The following LRCH1 variants were observed in gnomAD, a reference collection of about 807,000 sequenced individuals.
LRCH1 encodes the protein leucine rich repeats and calponin homology domain containing 1, also known as leucine-rich repeat and calponin homology domain-containing protein 1.
LRCH1 carries 23 observed loss-of-function variants against 94.9 expected under a neutral mutation model. The ratio of observed to expected loss-of-function variants is 0.24; its 90% confidence interval spans 0.17 to 0.34. The LOEUF (loss-of-function observed/expected upper bound fraction) is 0.34. Ranked by LOEUF, LRCH1 falls within the 10% of genes least tolerant of loss-of-function variation. LRCH1 has a pLI of 1.00. For missense variants in LRCH1, 790 were observed against 945.9 expected (o/e 0.84, Z 2.16); for synonymous variants, 364 against 354.9 (o/e 1.03, Z -0.29).
intron 1 of LRCH1, among the ~76,000 whole-genome samples, chr13:46,573,851 TA>T (rs2050268429): frequency 2.8e-5 from 2 of 72,718 alleles, no homozygotes; most frequent in Non-Finnish European, 4.8e-5. Flanking sequence ...GTCAAATATA[TA>T]TATATATATA....
chr13:46,742,403 C>A lies in LRCH1; in HGVS notation c.*555C>A, dbSNP rs566519593. 4 of 988,480 alleles carry A rather than the reference C, an allele frequency of 4.0e-6. No homozygotes were observed. Among genetic ancestry groups the A allele is most frequent in the Non-Finnish European group, 4.8e-6 (4 of 831,864 alleles). 61.2% of individuals were successfully genotyped at this position (988,480 alleles called of 1,614,324 possible). A position where few individuals can be genotyped will look rare whatever the true frequency, so the allele number is the denominator to read the frequency against. On this transcript the variant is annotated 3_prime_UTR_variant, in exon 20 of 20. Coordinates refer to ENST00000389797, the MANE Select transcript of LRCH1 (RefSeq NM_001164211.2). ...CAAGTTGGACGTGTACACGTACTCA[C>A]ACTGCCTTGATGGCCATTCGATTGG...
chr13:46,634,198 C>T (rs760324398), intron 1 of LRCH1, among the ~76,000 whole-genome samples: 3 of 152,142 alleles, frequency 2.0e-5, no homozygotes, highest in Non-Finnish European at 2.9e-5. Context: ...TTCTTTTGAG[C>T]ATCTAGCACG....
At position 46,651,787 on chromosome 13, in the gene LRCH1, G is replaced by A. The variant is rs569459353; in HGVS notation, c.452+1442G>A. 2.3e-3 allele frequency among the ~76,000 whole-genome samples: 331 copies of A among 144,168 alleles called. 4 individuals are homozygous for A. Among genetic ancestry groups the A allele is most frequent in the African/African-American group, 8.0e-3 (311 of 39,090 alleles). The allele number at this position is 144,168 out of a possible 152,430, so 94.6% of individuals were successfully genotyped here. On this transcript the variant is annotated intron_variant, in intron 2 of 19. Transcript: ENST00000389797. ...GCCATCTCAGCTCACTGCAAGCTCC[G>A]CCTCCCGGGTTCACACCATTCTCCT...
chr13:46,556,059 T>C (rs1214413958), intron 1 of LRCH1, among the ~76,000 whole-genome samples: 5 of 152,246 alleles, frequency 3.3e-5, no homozygotes, highest in African/African-American at 1.2e-4. Flanking sequence ...TGACTCATAT[T>C]TACTTTAAGA....
At chr13:46,727,957 A>G (rs539684393) in intron 17 of LRCH1, among the ~76,000 whole-genome samples, 126 of 151,142 alleles carry the variant, frequency 8.3e-4, no homozygotes, top group African/African-American at 2.9e-3. Flanking sequence ...CACTCTGTCA[A>G]CCAGGTTGGA....
At chr13:46,623,519 G>A (rs2050905042) in intron 1 of LRCH1, among the ~76,000 whole-genome samples, 1 of 151,878 alleles carries the variant, frequency 6.6e-6, no homozygotes, top group African/African-American at 2.4e-5. Flanking sequence ...ACTCATCCTT[G>A]GAGGGTCGCT....
chr13:46,742,628 G>C lies in LRCH1; in HGVS notation c.*780G>C. On this transcript the variant is annotated 3_prime_UTR_variant, in exon 20 of 20. Coordinates refer to ENST00000389797, the MANE Select transcript of LRCH1 (RefSeq NM_001164211.2). ...TTAATTCCTTGTTAGGTCTTCTCTTGAGGCTCTTAGAAAAGCGTTTTCCAG... is the reference window on the plus strand; with the variant it reads ...TTAATTCCTTGTTAGGTCTTCTCTTCAGGCTCTTAGAAAAGCGTTTTCCAG... 3 of 985,422 alleles carry C rather than the reference G, an allele frequency of 3.0e-6. No individual in the cohort carries two copies. The highest frequency in any genetic ancestry group is 3.6e-6 in the Non-Finnish European group (3 of 829,938). 61.0% of individuals were successfully genotyped at this position (985,422 alleles called of 1,614,324 possible).
At chr13:46,667,490 C>G (rs141018227) in intron 2 of LRCH1, among the ~76,000 whole-genome samples, 3,200 of 130,524 alleles carry the variant, frequency 0.025, 136 homozygotes, top group African/African-American at 0.089. Flanking sequence ...AACACTTGGA[C>G]ACAGGAAGGG....
At chr13:46,614,771 T>C (rs899970644) in intron 1 of LRCH1, among the ~76,000 whole-genome samples, 1 of 152,172 alleles carries the variant, frequency 6.6e-6, no homozygotes, top group Non-Finnish European at 1.5e-5. Flanking sequence ...ACATTCGAGA[T>C]GAATAATGAC....
At chr13:46,719,967 C>T (rs1039084779) in intron 16 of LRCH1, among the ~76,000 whole-genome samples, 1 of 152,198 alleles carries the variant, frequency 6.6e-6, no homozygotes, top group African/African-American at 2.4e-5. Context: ...CACTGCACTC[C>T]AGCCTGGGCG....
rs1351713550 is a variant in LRCH1, at chr13:46,742,344, A to G, written c.*496A>G. On this transcript the variant is annotated 3_prime_UTR_variant, in exon 20 of 20. Transcript: ENST00000389797. ...AAAACTAACATTTTGGCCCAACTTG[A>G]TCTATACAAAACTTTAATAATACCA... is the stretch of plus-strand genomic sequence containing the variant. The G allele has an allele frequency of 1.0e-6, 1 of 1,001,716 alleles. No homozygotes were observed. Among genetic ancestry groups the G allele is most frequent in the African/African-American group, 1.7e-5 (1 of 57,530 alleles). 62.1% of individuals were successfully genotyped at this position (1,001,716 alleles called of 1,614,324 possible).
intron 1 of LRCH1, among the ~76,000 whole-genome samples, chr13:46,649,754 G>A (rs2138077493): frequency 6.6e-6 from 1 of 152,014 alleles, no homozygotes; most frequent in African/African-American, 2.4e-5. Context: ...ACCTGAGCCT[G>A]GGAGGTTGAG....
chr13:46,560,723 AG>A, intron 1 of LRCH1, among the ~76,000 whole-genome samples: 1 of 152,330 alleles, frequency 6.6e-6, no homozygotes, highest in East Asian at 1.9e-4. Flanking sequence ...GAGTAAGAAA[AG>A]AAAAAAAGAA....
intron 16 of LRCH1, among the ~76,000 whole-genome samples, chr13:46,721,103 C>T (rs1872567709): frequency 6.6e-6 from 1 of 152,028 alleles, no homozygotes; most frequent in South Asian, 2.1e-4. Context: ...AAAGTAAAAC[C>T]CAGACACCAT....
chr13:46,703,839 T>C (rs191693794), intron 11 of LRCH1, among the ~76,000 whole-genome samples: 3 of 152,184 alleles, frequency 2.0e-5, no homozygotes, highest in African/African-American at 7.2e-5. Flanking sequence ...GCAGGAAATT[T>C]AGAAAAACTG....
intron 1 of LRCH1, among the ~76,000 whole-genome samples, chr13:46,646,429 C>T (rs1242734860): frequency 6.6e-6 from 1 of 152,218 alleles, no homozygotes; most frequent in Non-Finnish European, 1.5e-5. Context: ...CAGAGATCCT[C>T]TCTCCAGAAA....
At chr13:46,585,315 C>T (rs915488571) in intron 1 of LRCH1, among the ~76,000 whole-genome samples, 3 of 152,144 alleles carry the variant, frequency 2.0e-5, no homozygotes, top group Non-Finnish European at 4.4e-5. Flanking sequence ...TGGTGGCTCA[C>T]GCCTGTAATC....
chr13:46,554,364 C>G (rs2050039690), intron 1 of LRCH1, among the ~76,000 whole-genome samples: 1 of 152,196 alleles, frequency 6.6e-6, no homozygotes, highest in Admixed American at 6.5e-5. Context: ...GAATCCCAGT[C>G]GGCTGCCGCT....
chr13:46,722,195 C>A (rs1307252188), intron 16 of LRCH1, among the ~76,000 whole-genome samples: 7 of 152,118 alleles, frequency 4.6e-5, no homozygotes, highest in Non-Finnish European at 4.4e-5. Flanking sequence ...CTTCAGTACA[C>A]CATGCAGCCT....
Sources: gnomAD v4.1 joint callset for allele counts (sites outside exome capture counted in the v4.1 genomes callset) on GRCh38, gnomAD v4.1.1 for gene constraint, MANE v1.5 for transcripts, NCBI Gene and HGNC (gene_info 2026-07-23, HGNC 2026-07-21) for gene names.